Variants in XKR6 observed in about 807,000 individuals in gnomAD.
XKR6 encodes XK related 6, also known as XK-related protein 6.
XKR6 carries 22 observed loss-of-function variants against 56.7 expected under a neutral mutation model. That is an observed-to-expected ratio of 0.39 (90% CI 0.28 to 0.55). The LOEUF is 0.55. Ranked by LOEUF, XKR6 falls within the 20% of genes least tolerant of loss-of-function variation. The probability of loss-of-function intolerance (pLI) is 0.66; values close to 1 mark genes in which losing one functional copy is unlikely to be tolerated. For missense variants in XKR6, 852 were observed against 889.0 expected (o/e 0.96, Z 0.53); for synonymous variants, 524 against 387.8 (o/e 1.35, Z -4.13).
At chr8:11,188,580 G>C (rs373571404) in intron 1 of XKR6, among the ~76,000 whole-genome samples, 3 of 152,144 alleles carry the variant, frequency 2.0e-5, no homozygotes, top group East Asian at 3.8e-4. Flanking sequence ...CTTTTTGGAA[G>C]ACATCATCTT....
intron 1 of XKR6, among the ~76,000 whole-genome samples, chr8:11,075,013 C>A (rs1800234391): frequency 6.6e-6 from 1 of 152,176 alleles, no homozygotes; most frequent in Non-Finnish European, 1.5e-5. Flanking sequence ...AGAGGAGAGG[C>A]TCTGAATGGC....
In XKR6 at chr8:11,040,572, AC is replaced by A. The variant is rs1207115094; in HGVS notation, c.765-115743del. The stretch of plus-strand genomic sequence containing the variant: ...CTACCACAGCCTGGGAGGCTTACAA[AC>A]AACAGAAATTCATTTCTCAGTTCTG... On this transcript the variant is annotated intron_variant, in intron 1 of 2. Transcript: ENST00000416569. Among the ~76,000 whole-genome samples, 7 of 152,160 alleles carry A rather than the reference AC, an allele frequency of 4.6e-5. 1 individual carries two copies. Among genetic ancestry groups the A allele is most frequent in the African/African-American group, 1.7e-4 (7 of 41,524 alleles).
intron 1 of XKR6, among the ~76,000 whole-genome samples, chr8:10,988,497 C>A (rs1383306483): frequency 1.3e-5 from 2 of 152,156 alleles, no homozygotes; most frequent in Non-Finnish European, 2.9e-5. Context: ...AACTGAGAAC[C>A]CCCACTGTCA....
chr8:10,904,916 C>T (rs1001047765), intron 2 of XKR6, among the ~76,000 whole-genome samples: 5 of 152,168 alleles, frequency 3.3e-5, no homozygotes, highest in African/African-American at 4.8e-5. Flanking sequence ...TGACCGAGAG[C>T]GTCAGCTCAG....
chr8:10,907,866 G>A (rs555705975), intron 2 of XKR6, among the ~76,000 whole-genome samples: 44 of 152,350 alleles, frequency 2.9e-4, no homozygotes, highest in African/African-American at 9.9e-4. Context: ...CTGCAAAGCT[G>A]ATGACACTTC....
At chr8:11,151,512 G>GT (rs141350295) in intron 1 of XKR6, among the ~76,000 whole-genome samples, 1 of 152,276 alleles carries the variant, frequency 6.6e-6, no homozygotes, top group East Asian at 1.9e-4. Context: ...AAGAACAGAT[G>GT]TAATATAATT....
chr8:11,039,513 T>C (rs190955497), intron 1 of XKR6, among the ~76,000 whole-genome samples: 1 of 152,348 alleles, frequency 6.6e-6, no homozygotes, highest in Admixed American at 6.5e-5. Context: ...TCTTCCGAGA[T>C]GAGGACATTG....
intron 1 of XKR6, among the ~76,000 whole-genome samples, chr8:11,177,725 C>A (rs771598280): frequency 1.3e-5 from 2 of 152,212 alleles, no homozygotes; most frequent in Non-Finnish European, 2.9e-5. Flanking sequence ...TTGACTGCCA[C>A]CCCAGAAGCT....
At chr8:11,054,150 G>A (rs1442997994) in intron 1 of XKR6, among the ~76,000 whole-genome samples, 1 of 152,210 alleles carries the variant, frequency 6.6e-6, no homozygotes, top group Non-Finnish European at 1.5e-5. Flanking sequence ...TGTCATTGCG[G>A]GTGGTTAAAT....
intron 1 of XKR6, among the ~76,000 whole-genome samples, chr8:10,955,286 C>T (rs1410955208): frequency 6.6e-6 from 1 of 152,186 alleles, no homozygotes; most frequent in Middle Eastern, 3.2e-3. Context: ...AATCCTCCCA[C>T]CTCAGCCTCC....
At chr8:10,971,198 G>A (rs1468024596) in intron 1 of XKR6, among the ~76,000 whole-genome samples, 8 of 151,814 alleles carry the variant, frequency 5.3e-5, no homozygotes, top group African/African-American at 7.3e-5. Context: ...GAGGTGGGCG[G>A]ATCACGAGGT....
At chr8:10,987,643 A>G (rs1022706746) in intron 1 of XKR6, among the ~76,000 whole-genome samples, 1 of 152,168 alleles carries the variant, frequency 6.6e-6, no homozygotes, top group African/African-American at 2.4e-5. Context: ...ACCACGTTAA[A>G]CTGTAATCAT....
chr8:10,975,753 G>A (rs556371902), intron 1 of XKR6, among the ~76,000 whole-genome samples: 1 of 152,342 alleles, frequency 6.6e-6, no homozygotes, highest in African/African-American at 2.4e-5. Context: ...CCGCAAGGCC[G>A]AGTCACACTG....
At chr8:11,065,871 T>A (rs1441179955) in intron 1 of XKR6, among the ~76,000 whole-genome samples, 1 of 152,208 alleles carries the variant, frequency 6.6e-6, no homozygotes, top group African/African-American at 2.4e-5. Flanking sequence ...ACGTCGTAGG[T>A]GCCCCATAAA....
chr8:10,912,656 ATG>A (rs1395274280), intron 2 of XKR6, among the ~76,000 whole-genome samples: 1 of 44,218 alleles, frequency 2.3e-5, no homozygotes, highest in Non-Finnish European at 5.6e-5. Context: ...GGGTGTCTAT[ATG>A]TGTGTCTATA....
intron 1 of XKR6, among the ~76,000 whole-genome samples, chr8:10,997,096 T>C (rs1439449607): frequency 2.0e-5 from 3 of 152,298 alleles, no homozygotes; most frequent in African/African-American, 4.8e-5. Context: ...TCCAACAAGG[T>C]CATTCAGTGT....
chr8:11,079,732 G>T (rs555300907), intron 1 of XKR6, among the ~76,000 whole-genome samples: 2 of 152,320 alleles, frequency 1.3e-5, no homozygotes, highest in East Asian at 3.9e-4. Flanking sequence ...GGCCAATGTG[G>T]CAAGATTGCT....
At chr8:10,985,360 C>A (rs758998561) in intron 1 of XKR6, among the ~76,000 whole-genome samples, 1 of 152,124 alleles carries the variant, frequency 6.6e-6, no homozygotes, top group Non-Finnish European at 1.5e-5. Context: ...CCATGTAAGA[C>A]ACCCCTTTGC....
At chr8:11,198,181 A>G (rs1029370476) in intron 1 of XKR6, among the ~76,000 whole-genome samples, 14 of 152,242 alleles carry the variant, frequency 9.2e-5, no homozygotes, top group Non-Finnish European at 1.6e-4. Flanking sequence ...AGATTAAAAC[A>G]AGAATTCCTC....
Sources: allele counts gnomAD v4.1 joint callset (sites outside exome capture counted in the v4.1 genomes callset), GRCh38; gene constraint gnomAD v4.1.1; transcripts MANE v1.5; gene names NCBI Gene and HGNC (gene_info 2026-07-23, HGNC 2026-07-21).